Variants in ARHGAP24 observed in about 807,000 individuals in gnomAD.
The protein encoded by ARHGAP24 is Rho GTPase activating protein 24.
ARHGAP24 carries 50 observed loss-of-function variants against 76.4 expected under a neutral mutation model. The observed-to-expected ratio is 0.65, with a 90% CI of 0.52 to 0.83. ARHGAP24 has a LOEUF of 0.83. Ranked by LOEUF, ARHGAP24 falls within the 40% of genes least tolerant of loss-of-function variation. ARHGAP24 has a pLI of 0.00. For missense variants in ARHGAP24, 930 were observed against 914.2 expected, an observed-to-expected ratio of 1.02 and a Z score of -0.22; for synonymous variants, 345 against 323.3, an observed-to-expected ratio of 1.07 and a Z score of -0.72.
At chr4:85,873,689 T>C (rs1018302301) in intron 3 of ARHGAP24, among the ~76,000 whole-genome samples, 1 of 152,202 alleles carries the variant, frequency 6.6e-6, no homozygotes, top group Non-Finnish European at 1.5e-5. Flanking sequence ...TCAGGAGACA[T>C]CATTTCATGC....
chr4:85,866,455 T>G (rs1732206865), intron 3 of ARHGAP24, among the ~76,000 whole-genome samples: 1 of 152,172 alleles, frequency 6.6e-6, no homozygotes, highest in South Asian at 2.1e-4. Flanking sequence ...TGTTTTGTTT[T>G]GTTTCCCCCA....
intron 3 of ARHGAP24, among the ~76,000 whole-genome samples, chr4:85,731,902 AAGT>A (rs1303782183): frequency 1.3e-5 from 2 of 152,220 alleles, no homozygotes; most frequent in African/African-American, 4.8e-5. Flanking sequence ...TAATAAAAGA[AAGT>A]AGTACTCTCC....
chr4:85,622,657 C>T (rs1720763943), intron 2 of ARHGAP24, among the ~76,000 whole-genome samples: 2 of 152,126 alleles, frequency 1.3e-5, no homozygotes, highest in Admixed American at 6.5e-5. Flanking sequence ...TTCTAGATCC[C>T]TGAGGAATCG....
chr4:85,657,998 G>GC (rs771137953), intron 2 of ARHGAP24, among the ~76,000 whole-genome samples: 13 of 152,136 alleles, frequency 8.5e-5, no homozygotes, highest in Non-Finnish European at 1.5e-4. Context: ...CAAGTGATCT[G>GC]CCCCCCTCGG....
At position 85,797,318 on chromosome 4, in the gene ARHGAP24, G is replaced by T. The variant is rs892953796; in HGVS notation, c.268+75346G>T. ...CTCCCCAGCAGCTGGGACTACAGGC[G>T]CCCGCCACCACGCCCAGCTAATTTT... On this transcript the variant is annotated intron_variant, in intron 3 of 9. Transcript: ENST00000395184. Among the ~76,000 whole-genome samples the T allele has an allele frequency of 8.6e-5, 13 of 151,960 alleles. No homozygotes were observed. In the East Asian group the frequency reaches 2.3e-3, roughly 27 times the overall value.
At chr4:85,935,221 A>C (rs1057429572) in intron 4 of ARHGAP24, among the ~76,000 whole-genome samples, 1 of 152,254 alleles carries the variant, frequency 6.6e-6, no homozygotes, top group African/African-American at 2.4e-5. Flanking sequence ...TCATTAATTC[A>C]TATATCAATG....
intron 3 of ARHGAP24, among the ~76,000 whole-genome samples, chr4:85,908,520 T>G (rs1734895877): frequency 1.3e-5 from 2 of 152,214 alleles, no homozygotes; most frequent in Admixed American, 1.3e-4. Flanking sequence ...AATGTTGTAA[T>G]TTGAAAGGTA....
intron 2 of ARHGAP24, among the ~76,000 whole-genome samples, chr4:85,611,201 AG>A (rs1389674568): frequency 6.6e-6 from 1 of 152,194 alleles, no homozygotes; most frequent in Non-Finnish European, 1.5e-5. Flanking sequence ...GCATCTTGGA[AG>A]GGGGCCTAAT....
At chr4:85,627,332 G>T (rs78209668) in intron 2 of ARHGAP24, among the ~76,000 whole-genome samples, 1 of 152,234 alleles carries the variant, frequency 6.6e-6, no homozygotes, top group East Asian at 1.9e-4. Flanking sequence ...GTTTTCTAGA[G>T]GTCCACTCCA....
At chr4:85,935,816 C>T (rs535100707) in intron 4 of ARHGAP24, among the ~76,000 whole-genome samples, 20 of 152,288 alleles carry the variant, frequency 1.3e-4, no homozygotes, top group Middle Eastern at 6.8e-3. Context: ...GCTATGTACA[C>T]CTTGTAACAC....
chr4:85,560,495 C>G (rs921046856), intron 1 of ARHGAP24, among the ~76,000 whole-genome samples: 2 of 152,052 alleles, frequency 1.3e-5, no homozygotes, highest in African/African-American at 4.8e-5. Flanking sequence ...TGATCCATCC[C>G]AATATACACA....
At chr4:85,938,403 A>G (rs899199023) in intron 4 of ARHGAP24, among the ~76,000 whole-genome samples, 5 of 152,190 alleles carry the variant, frequency 3.3e-5, no homozygotes, top group Non-Finnish European at 7.4e-5. Context: ...GGGGCAGCAC[A>G]TGACCTTTGT....
chr4:85,889,156 C>A (rs957755479), intron 3 of ARHGAP24, among the ~76,000 whole-genome samples: 3 of 152,126 alleles, frequency 2.0e-5, no homozygotes, highest in Non-Finnish European at 2.9e-5. Context: ...GAATGAATAT[C>A]CCACACCATT....
chr4:85,726,236 G>A (rs1258566641), intron 3 of ARHGAP24, among the ~76,000 whole-genome samples: 1 of 151,982 alleles, frequency 6.6e-6, no homozygotes, highest in Non-Finnish European at 1.5e-5. Context: ...CTCTTTTGGG[G>A]GGTGGGGGGT....
intron 3 of ARHGAP24, among the ~76,000 whole-genome samples, chr4:85,728,470 T>A (rs1415159884): frequency 6.6e-6 from 1 of 152,178 alleles, no homozygotes; most frequent in African/African-American, 2.4e-5. Context: ...CATGTGTGCA[T>A]AAACTGTTAT....
chr4:85,817,917 A>G lies in ARHGAP24; in HGVS notation c.268+95945A>G, dbSNP rs11938099. Among the ~76,000 whole-genome samples the G allele has an allele frequency of 9.5e-3, 1,442 of 152,318 alleles. 27 individuals are homozygous for G. The highest frequency in any genetic ancestry group is 0.032 in the African/African-American group (1,350 of 41,570). Reference sequence around the variant, plus strand: ...GATCTAAGAAAATGTTATAATATTGACCACTTACTAGAAGATACTGATATC... The same window carrying G: ...GATCTAAGAAAATGTTATAATATTGGCCACTTACTAGAAGATACTGATATC... On this transcript the variant is annotated intron_variant, in intron 3 of 9. Coordinates refer to ENST00000395184, the MANE Select transcript of ARHGAP24 (RefSeq NM_001025616.3).
At chr4:85,783,953 C>T (rs1727680071) in intron 3 of ARHGAP24, among the ~76,000 whole-genome samples, 1 of 152,150 alleles carries the variant, frequency 6.6e-6, no homozygotes, top group Non-Finnish European at 1.5e-5. Flanking sequence ...GCCTCTTCTA[C>T]ATGAAACAAA....
chr4:85,767,559 C>T (rs1342217037), intron 3 of ARHGAP24, among the ~76,000 whole-genome samples: 2 of 152,018 alleles, frequency 1.3e-5, no homozygotes, highest in African/African-American at 4.8e-5. Flanking sequence ...AGCATCCCAA[C>T]AGCAACAACA....
intron 1 of ARHGAP24, among the ~76,000 whole-genome samples, chr4:85,531,161 G>A (rs1371256676): frequency 2.0e-5 from 3 of 151,992 alleles, no homozygotes; most frequent in Non-Finnish European, 4.4e-5. Flanking sequence ...CTGATCTACA[G>A]GGTCATGAAT....
Sources: gnomAD v4.1 joint callset for allele counts (sites outside exome capture counted in the v4.1 genomes callset) on GRCh38, gnomAD v4.1.1 for gene constraint, MANE v1.5 for transcripts, NCBI Gene and HGNC (gene_info 2026-07-23, HGNC 2026-07-21) for gene names.